OTUD7A: variants seen among roughly 807,000 people sequenced by gnomAD.
The protein encoded by OTUD7A is OTU deubiquitinase 7A, also known as OTU domain-containing protein 7A.
In OTUD7A, 12 loss-of-function variants were observed where a neutral mutation model predicts 65.7. The ratio of observed to expected loss-of-function variants is 0.18; its 90% confidence interval spans 0.12 to 0.30. The LOEUF is 0.30. Ranked by LOEUF, OTUD7A falls within the 10% of genes least tolerant of loss-of-function variation. The probability of loss-of-function intolerance (pLI) is 1.00; values close to 1 mark genes in which losing one functional copy is unlikely to be tolerated. For missense variants in OTUD7A, 1,148 were observed against 1,304.8 expected, an observed-to-expected ratio of 0.88 and a Z score of 1.85; for synonymous variants, 641 against 586.3, an observed-to-expected ratio of 1.09 and a Z score of -1.35.
At chr15:31,516,059 C>T (rs1057107933) in intron 8 of OTUD7A, among the ~76,000 whole-genome samples, 3 of 152,228 alleles carry the variant, frequency 2.0e-5, no homozygotes, top group Non-Finnish European at 2.9e-5. Flanking sequence ...TTCATCTACC[C>T]GTCCTTCAAG....
At chr15:31,625,172 T>A (rs896323328) in intron 3 of OTUD7A, among the ~76,000 whole-genome samples, 2 of 152,256 alleles carry the variant, frequency 1.3e-5, no homozygotes, top group African/African-American at 4.8e-5. Flanking sequence ...CAGTGAAGAA[T>A]TGAGGCCACC....
At chr15:31,825,953 C>G (rs1423732537) in intron 1 of OTUD7A, among the ~76,000 whole-genome samples, 1 of 152,228 alleles carries the variant, frequency 6.6e-6, no homozygotes, top group Non-Finnish European at 1.5e-5. Flanking sequence ...AGGGGGGTTC[C>G]CATGGTCTTG....
intron 1 of OTUD7A, among the ~76,000 whole-genome samples, chr15:31,822,413 AACAG>A (rs1476565217): frequency 3.3e-5 from 5 of 152,218 alleles, no homozygotes; most frequent in Non-Finnish European, 5.9e-5. Flanking sequence ...TTTATTAGGA[AACAG>A]ACAAAGAAGC....
In OTUD7A at chr15:31,560,889, C is replaced by G. The variant is rs74012521; in HGVS notation, c.332-1702G>C. Among the ~76,000 whole-genome samples the G allele has an allele frequency of 5.8e-3, 887 of 152,332 alleles. 5 individuals carry two copies. The highest frequency in any genetic ancestry group is 0.02 in the African/African-American group (840 of 41,572). On this transcript the variant is annotated intron_variant, in intron 4 of 12. Transcript: ENST00000307050. ...ACCCAGCCCCAGCTTTCACCCGGAA[C>G]AGCAGCATTTTCCTTCCCCACTTGC... is the stretch of plus-strand genomic sequence containing the variant.
intron 1 of OTUD7A, among the ~76,000 whole-genome samples, chr15:31,760,542 C>T (rs1021053509): frequency 6.6e-5 from 10 of 152,162 alleles, no homozygotes; most frequent in Admixed American, 1.3e-4. Context: ...AGTTATCTTC[C>T]GTTGTCTTCC....
At chr15:31,679,232 C>G (rs1892659033) in intron 1 of OTUD7A, among the ~76,000 whole-genome samples, 1 of 152,184 alleles carries the variant, frequency 6.6e-6, no homozygotes, top group African/African-American at 2.4e-5. Flanking sequence ...TTTGACTTTA[C>G]AGGTTCATAG....
intron 5 of OTUD7A, among the ~76,000 whole-genome samples, chr15:31,531,132 G>C (rs190875547): frequency 1.3e-5 from 2 of 152,190 alleles, no homozygotes; most frequent in Non-Finnish European, 2.9e-5. Flanking sequence ...CCTCCTGAAA[G>C]CTATTTTTTC....
chr15:31,752,796 T>A lies in OTUD7A; in HGVS notation c.-99-95719A>T, dbSNP rs559853218. ...TTAACTGAGAGACTTACCCTCATCA[T>A]TTTTGAAAAAAAAAATCTTTGCCAT... On this transcript the variant is annotated intron_variant, in intron 1 of 12. Coordinates refer to ENST00000307050, the MANE Select transcript of OTUD7A (RefSeq NM_001382637.1). Among the ~76,000 whole-genome samples, 249 of 152,222 alleles carry A rather than the reference T, an allele frequency of 1.6e-3. 1 individual carries two copies. Among genetic ancestry groups the A allele is most frequent in the African/African-American group, 5.6e-3 (234 of 41,538 alleles).
chr15:31,799,427 T>C (rs752342478), intron 1 of OTUD7A, among the ~76,000 whole-genome samples: 45 of 152,176 alleles, frequency 3.0e-4, no homozygotes, highest in Non-Finnish European at 5.0e-4. Flanking sequence ...TAACCTCCAA[T>C]GTGCCTGCAT....
rs184331063 is a variant in OTUD7A, at chr15:31,630,656, G to C, written c.151+24440C>G. Among the ~76,000 whole-genome samples the C allele has an allele frequency of 5.8e-4, 89 of 152,204 alleles. No homozygotes were observed. In the East Asian group the frequency reaches 0.012, roughly 20 times the overall value. ...CTGGGTATCCTTGTTAACTTTCTGT[G>C]TCGTTGATCTGTCTAACATTGACAG... is the stretch of plus-strand genomic sequence containing the variant. On this transcript the variant is annotated intron_variant, in intron 3 of 12. Coordinates refer to ENST00000307050, the MANE Select transcript of OTUD7A (RefSeq NM_001382637.1).
At chr15:31,671,818 C>T (rs34179784) in intron 1 of OTUD7A, among the ~76,000 whole-genome samples, 3 of 152,200 alleles carry the variant, frequency 2.0e-5, no homozygotes, top group East Asian at 1.9e-4. Flanking sequence ...TTGTGATATA[C>T]GTAAACTGCA....
intron 3 of OTUD7A, among the ~76,000 whole-genome samples, chr15:31,622,878 T>C: frequency 6.6e-6 from 1 of 152,214 alleles, no homozygotes; most frequent in Non-Finnish European, 1.5e-5. Context: ...CTCTGTTTTT[T>C]CCCCATCTTT....
At chr15:31,856,129 C>T (rs1354319121) in intron 1 of OTUD7A, among the ~76,000 whole-genome samples, 4 of 152,194 alleles carry the variant, frequency 2.6e-5, no homozygotes, top group Non-Finnish European at 5.9e-5. Flanking sequence ...AGTCTTTAAT[C>T]ACTAAATAAA....
chr15:31,723,325 G>C (rs1893794873), intron 1 of OTUD7A, among the ~76,000 whole-genome samples: 1 of 151,728 alleles, frequency 6.6e-6, no homozygotes, highest in Non-Finnish European at 1.5e-5. Context: ...GTGCTACATG[G>C]GGCACAATTG....
chr15:31,751,738 A>C (rs1236728924), intron 1 of OTUD7A, among the ~76,000 whole-genome samples: 4 of 152,230 alleles, frequency 2.6e-5, no homozygotes, highest in Non-Finnish European at 5.9e-5. Flanking sequence ...CAGCCAAAAA[A>C]AGGATGAAAT....
Position 31,726,664 on chromosome 15 carries a change from T to C in OTUD7A, c.-99-69587A>G, listed in dbSNP as rs138760293. 3.2e-3 allele frequency among the ~76,000 whole-genome samples: 494 copies of C among 152,314 alleles called. 9 individuals carry two copies. The East Asian group carries it at 0.071, about 22-fold the overall frequency. On this transcript the variant is annotated intron_variant, in intron 1 of 12. Coordinates refer to ENST00000307050, the MANE Select transcript of OTUD7A (RefSeq NM_001382637.1). ...CTTAAGAAATATGCCCTTGAGAACA[T>C]TGCTCTCACAGGACACTTCAGTCAT... is the stretch of plus-strand genomic sequence containing the variant.
At chr15:31,539,787 G>C (rs375173997) in intron 5 of OTUD7A, among the ~76,000 whole-genome samples, 4 of 152,186 alleles carry the variant, frequency 2.6e-5, no homozygotes, top group African/African-American at 9.6e-5. Context: ...CACATAAAGA[G>C]AGATAAAGCA....
At chr15:31,708,764 A>T (rs1893364511) in intron 1 of OTUD7A, among the ~76,000 whole-genome samples, 1 of 151,724 alleles carries the variant, frequency 6.6e-6, no homozygotes, top group African/African-American at 2.4e-5. Context: ...TTTGAGGGAG[A>T]CCCAGACAGA....
chr15:31,758,048 T>C (rs1380705181), intron 1 of OTUD7A, among the ~76,000 whole-genome samples: 2 of 152,206 alleles, frequency 1.3e-5, no homozygotes, highest in Admixed American at 1.3e-4. Flanking sequence ...GATTTTTATT[T>C]CATATGAATC....
Sources: allele counts gnomAD v4.1 joint callset (sites outside exome capture counted in the v4.1 genomes callset), GRCh38; gene constraint gnomAD v4.1.1; transcripts MANE v1.5; gene names NCBI Gene and HGNC (gene_info 2026-07-23, HGNC 2026-07-21).